The following MED24 variants were observed in gnomAD, a reference collection of about 807,000 sequenced individuals.
The protein encoded by MED24 is mediator complex subunit 24, also known as mediator of RNA polymerase II transcription subunit 24.
Under a neutral mutation model 118.8 loss-of-function variants are expected in MED24, and 74 were observed. The ratio of observed to expected loss-of-function variants is 0.62; its 90% CI spans 0.52 to 0.76. The LOEUF is 0.76. Among genes scored for constraint, MED24 ranks in the 30% least tolerant of loss-of-function variants. MED24 has a pLI of 0.00. For synonymous variants in MED24, 521 were observed against 523.9 expected, an observed-to-expected ratio of 0.99 and a Z score of 0.08; for missense variants, 1,041 against 1,278.9, an observed-to-expected ratio of 0.81 and a Z score of 2.84.
chr17:40,022,010 C>A lies in MED24; in HGVS notation c.2568G>T (p.Lys856Asn), dbSNP rs748833619. ...LFPLDDVQPS[K>N]LMRLLSSNED... ...CATTAGAGCTCAGCAGTCGCATCAA[C>A]TTCGAAGGCTGCACATCGTCCAGGG... Residue 856 changes from lysine (K) to asparagine (N), a missense_variant, in exon 23 of 26, where the codon AAG becomes AAT. By Grantham distance (94) the Lys-to-Asn change is moderately conservative. Around this residue, in one of 3 missense-constraint regions of MED24, gnomAD observed 587 missense variants for 694.4 expected, o/e 0.85. Coordinates refer to ENST00000394128, the MANE Select transcript of MED24 (RefSeq NM_014815.4). 2.5e-6 allele frequency: 4 copies of A among 1,612,016 alleles called. No individual in the cohort carries two copies.
intron 3 of MED24, among the ~76,000 whole-genome samples, chr17:40,046,073 A>G (rs1421215263): frequency 6.7e-6 from 1 of 149,306 alleles, no homozygotes; most frequent in Non-Finnish European, 1.5e-5. Flanking sequence ...CATCACGCCC[A>G]GCCTCTAAAA....
intron 3 of MED24, among the ~76,000 whole-genome samples, chr17:40,040,687 C>T (rs56374417): frequency 0.1 from 15,695 of 150,968 alleles, 1,077 homozygotes; most frequent in Non-Finnish European, 0.15. Flanking sequence ...AGCGCGATCT[C>T]GGCTCACTGC....
chr17:40,043,279 G>A (rs1166478059), intron 3 of MED24, among the ~76,000 whole-genome samples: 1 of 152,098 alleles, frequency 6.6e-6, no homozygotes, highest in Non-Finnish European at 1.5e-5. Context: ...CCCCTTCCCA[G>A]ATCCCGTTGT....
At chr17:40,040,974 C>T (rs760771172) in intron 3 of MED24, among the ~76,000 whole-genome samples, 17 of 152,064 alleles carry the variant, frequency 1.1e-4, no homozygotes, top group Non-Finnish European at 2.1e-4. Context: ...GCTCAAACTC[C>T]TGGCCTCAAG....
intron 18 of MED24, 105 bp from the exon 19 acceptor site, chr17:40,026,436 G>C: frequency 7.1e-7 from 1 of 1,405,584 alleles, no homozygotes; most frequent in Non-Finnish European, 9.8e-7. Context: ...GTGGAGTCCC[G>C]GGCCACATTC....
intron 3 of MED24, among the ~76,000 whole-genome samples, chr17:40,049,922 G>A (rs1985641527): frequency 6.6e-6 from 1 of 151,176 alleles, no homozygotes; most frequent in African/African-American, 2.4e-5. Context: ...GGCCGAGGCA[G>A]ATGGATCACT....
intron 3 of MED24, among the ~76,000 whole-genome samples, chr17:40,046,637 T>C (rs1985248063): frequency 6.7e-6 from 1 of 149,036 alleles, no homozygotes; most frequent in African/African-American, 2.4e-5. Context: ...TCCCAGCTAC[T>C]TGGGAGGCTG....
At position 40,020,246 on chromosome 17, in the gene MED24, G is replaced by A. The variant is rs374391598; in HGVS notation, c.2704+27C>T. The stretch of plus-strand genomic sequence containing the variant: ...AGAGACTCGTCCAGCTTAGCCCCAG[G>A]TTCGGCAGCAGGGGTGGGGAACTCA... On this transcript the variant is annotated intron_variant, in intron 24 of 25. Coordinates refer to ENST00000394128, the MANE Select transcript of MED24 (RefSeq NM_014815.4). 2.0e-6 allele frequency: 3 copies of A among 1,490,698 alleles called. No individual in the cohort carries two copies. In the Admixed American group the frequency reaches 7.0e-5, roughly 35 times the overall value. The allele number at this position is 1,490,698 out of a possible 1,614,324, so 92.3% of individuals were successfully genotyped here.
chr17:40,020,507 GC>G, intron 23 of MED24, 154 bp from the exon 24 acceptor site: 1 of 1,518,704 alleles, frequency 6.6e-7, no homozygotes, highest in Non-Finnish European at 8.9e-7. Flanking sequence ...ACAAAGGGAG[GC>G]CAGGTACAGT....
Position 40,033,634 on chromosome 17 carries a change from G to C in MED24, c.560-178C>G, listed in dbSNP as rs559371696. ...CAGCATGCACTGTTTCCAGAAGGGG[G>C]GTGGGCACCTAGAGCTGGAAACCCC... On this transcript the variant is annotated intron_variant, in intron 6 of 25. Coordinates refer to ENST00000394128, the MANE Select transcript of MED24 (RefSeq NM_014815.4). The surrounding 1 kb of genome is among the most constrained non-coding windows in gnomAD (Gnocchi z 5.2). The C allele has an allele frequency of 1.6e-5, 11 of 701,782 alleles. No homozygotes were observed. The highest frequency in any genetic ancestry group is 2.8e-5 in the Non-Finnish European group (11 of 386,820). The allele number at this position is 701,782 out of a possible 1,614,324, so 43.5% of individuals were successfully genotyped here.
Position 40,022,434 on chromosome 17 carries a change from G to A in MED24, c.2483C>T (p.Ala828Val), listed in dbSNP as rs913807148. Residue 828 changes from alanine to valine, a missense_variant, in exon 22 of 26, where the codon GCG (alanine) becomes GTG (valine). By Grantham distance (64) the Ala-to-Val change is moderately conservative. Around this residue, in one of 3 missense-constraint regions of MED24, gnomAD observed 587 missense variants for 694.4 expected, o/e 0.85. Coordinates refer to ENST00000394128, the MANE Select transcript of MED24 (RefSeq NM_014815.4). ...GTGTCTCTTCTTCTGGCGGGTGGAC[G>A]CCTGTCCCTTGTGGGAGGAGTAGGA... ...LSSYSSHKGQ[A>V]STRQKKRHRE... 11 of 1,610,426 alleles carry A rather than the reference G, an allele frequency of 6.8e-6. No homozygotes were observed. Among genetic ancestry groups the A allele is most frequent in the East Asian group, 6.7e-5 (3 of 44,740 alleles).
At chr17:40,043,028 C>A (rs28527215) in intron 3 of MED24, among the ~76,000 whole-genome samples, 1 of 152,134 alleles carries the variant, frequency 6.6e-6, no homozygotes, top group South Asian at 2.1e-4. Flanking sequence ...CTCAGCTCAC[C>A]GCAAGTGCGC....
At chr17:40,027,988 C>G in intron 14 of MED24, 42 bp from the exon 15 acceptor site, 1 of 1,604,664 alleles carries the variant, frequency 6.2e-7, no homozygotes, top group East Asian at 2.2e-5. Context: ...AGGGCATGAG[C>G]TGAGCAGTAG....
chr17:40,022,721 G>C lies in MED24; in HGVS notation c.2356C>G (p.His786Asp), dbSNP rs1240322712. The C allele has an allele frequency of 6.2e-6, 10 of 1,613,818 alleles. No homozygotes were observed. Among genetic ancestry groups the C allele is most frequent in the Non-Finnish European group, 8.5e-6 (10 of 1,179,994 alleles). Residue 786 changes from histidine (H) to aspartate (D), a missense_variant, in exon 21 of 26, where the codon CAC (histidine) becomes GAC (aspartate). Coordinates refer to ENST00000394128, the MANE Select transcript of MED24 (RefSeq NM_014815.4). ...MQQVTLVLLG[H>D]ILPGLLTDSS... Reference sequence around the variant, plus strand: ...TCAGTGAGCAGGCCAGGTAGGATGTGGCCCAGCAGGACCAGGGTCACTTGC... The same window carrying C: ...TCAGTGAGCAGGCCAGGTAGGATGTCGCCCAGCAGGACCAGGGTCACTTGC...
At chr17:40,029,018 A>AC in intron 13 of MED24, 50 bp from the exon 14 acceptor site, 1 of 1,610,422 alleles carries the variant, frequency 6.2e-7, no homozygotes, top group South Asian at 1.1e-5. Context: ...AAGACCCCCC[A>AC]CCCAAGATAC....
rs1257290934 is a variant in MED24 at position 40,033,017 on chromosome 17, C to A, written c.822+39G>T. Reference sequence around the variant, plus strand: ...CTCCCTCCTGCCCCCAACAGGCTGGCCTGCCTTGGAGAAGGGAGAGCCACT... The same window carrying A: ...CTCCCTCCTGCCCCCAACAGGCTGGACTGCCTTGGAGAAGGGAGAGCCACT... On this transcript the variant is annotated intron_variant, in intron 8 of 25. Coordinates refer to ENST00000394128, the MANE Select transcript of MED24 (RefSeq NM_014815.4). This position sits in a 1 kb window ranked among gnomAD's most constrained non-coding sequence, Gnocchi z 5.2. 1.2e-6 allele frequency: 2 copies of A among 1,610,192 alleles called. No homozygotes were observed. Among genetic ancestry groups the A allele is most frequent in the South Asian group, 1.1e-5 (1 of 90,874 alleles).
chr17:40,052,448 T>C (rs1985958551), intron 3 of MED24, among the ~76,000 whole-genome samples: 1 of 152,242 alleles, frequency 6.6e-6, no homozygotes, highest in African/African-American at 2.4e-5. Context: ...ACTGCTTATT[T>C]ACATGTCTAT....
intron 3 of MED24, among the ~76,000 whole-genome samples, chr17:40,048,657 G>A (rs958702986): frequency 7.9e-5 from 12 of 152,000 alleles, no homozygotes; most frequent in African/African-American, 2.2e-4. Flanking sequence ...GGGTTCAAGC[G>A]ATTCTCCTGC....
At position 40,019,257 on chromosome 17, in the gene MED24, G is replaced by T. The variant is rs966548176; in HGVS notation, c.*272C>A. The T allele has an allele frequency of 1.7e-5, 8 of 483,806 alleles. No homozygotes were observed. Among genetic ancestry groups the T allele is most frequent in the Non-Finnish European group, 2.6e-5 (7 of 271,476 alleles). The allele number at this position is 483,806 out of a possible 1,614,324, so 30.0% of individuals were successfully genotyped here. ...CAGAGGTAAGACTACTCCTGGGCTG[G>T]GGCGGGCGCACACAGGGGTGACCAC... On this transcript the variant is annotated 3_prime_UTR_variant, in exon 26 of 26. Coordinates refer to ENST00000394128, the MANE Select transcript of MED24 (RefSeq NM_014815.4).
Sources: allele counts gnomAD v4.1 joint callset (sites outside exome capture counted in the v4.1 genomes callset), GRCh38; gene constraint gnomAD v4.1.1; regional missense constraint gnomAD v4.1.1; non-coding constraint Gnocchi (gnomAD v3.1); transcripts MANE v1.5; gene names NCBI Gene and HGNC (gene_info 2026-07-23, HGNC 2026-07-21).